CFTR: variants seen among roughly 807,000 people sequenced by gnomAD.
CFTR encodes CF transmembrane conductance regulator, also known as cystic fibrosis transmembrane conductance regulator.
A neutral mutation model predicts 171.6 loss-of-function variants in CFTR; 181 were observed. The observed-to-expected ratio is 1.05, with a 90% CI of 0.93 to 1.19. The LOEUF is 1.19. CFTR is among the 50% of genes most tolerant of loss of function. CFTR has a pLI of 0.00. For missense variants in CFTR, 1,968 were observed against 1,734.7 expected (o/e 1.13, Z -2.39); for synonymous variants, 583 against 608.0 (o/e 0.96, Z 0.60).
intron 9 of CFTR, among the ~76,000 whole-genome samples, chr7:117,548,235 A>C (rs1218950498): frequency 6.6e-6 from 1 of 152,146 alleles, no homozygotes. Flanking sequence ...GCTGAGTCAC[A>C]GTCTACAGCT....
chr7:117,649,277 GATGTGT>G (rs1562925097), intron 23 of CFTR, among the ~76,000 whole-genome samples: 3 of 146,114 alleles, frequency 2.1e-5, no homozygotes, highest in Admixed American at 6.9e-5. Context: ...TTATACATGG[GATGTGT>G]GTGTGTGTGT....
intron 2 of CFTR, among the ~76,000 whole-genome samples, chr7:117,506,790 G>C (rs35173620): frequency 6.6e-6 from 1 of 151,920 alleles, no homozygotes; most frequent in South Asian, 2.1e-4. Flanking sequence ...AAACCCATAC[G>C]TTCTATTATT....
chr7:117,575,802 C>T (rs557282769), intron 11 of CFTR, among the ~76,000 whole-genome samples: 2 of 152,158 alleles, frequency 1.3e-5, no homozygotes, highest in South Asian at 4.1e-4. Context: ...CTAATAAATC[C>T]ATGCACATTT....
At chr7:117,616,965 A>G (rs1407046659) in intron 21 of CFTR, among the ~76,000 whole-genome samples, 1 of 152,134 alleles carries the variant, frequency 6.6e-6, no homozygotes, top group African/African-American at 2.4e-5. Context: ...TCACCTCAGC[A>G]TATGTTGAGA....
intron 15 of CFTR, among the ~76,000 whole-genome samples, chr7:117,599,292 G>T (rs537539324): frequency 9.9e-5 from 15 of 152,096 alleles, no homozygotes; most frequent in Non-Finnish European, 2.9e-5. Flanking sequence ...TCTGAATGTG[G>T]TAGTGATTTC....
rs1798959602 is a variant in CFTR at position 117,536,557 on chromosome 7, A to G, written c.753A>G (p.Arg251=). The G allele has an allele frequency of 6.3e-7, 1 of 1,590,488 alleles. No homozygotes were observed. Among genetic ancestry groups the G allele is most frequent in the East Asian group, 2.2e-5 (1 of 44,526 alleles). Residue 251 remains arginine, a synonymous_variant, in exon 7 of 27, where the codon AGA becomes AGG. Coordinates refer to ENST00000003084, the MANE Select transcript of CFTR (RefSeq NM_000492.4). ...ATTGATTGATTTACAGAGATCAGAG[A>G]GCTGGGAAGATCAGTGAAAGACTTG... ...GRMMMKYRDQ[R]AGKISERLVI... is the part of the protein sequence containing the mutation.
At chr7:117,533,449 C>T (rs1584786090) in intron 4 of CFTR, among the ~76,000 whole-genome samples, 1 of 152,182 alleles carries the variant, frequency 6.6e-6, no homozygotes, top group East Asian at 1.9e-4. Context: ...TATTTATATA[C>T]TAGGTCGCCT....
In CFTR at chr7:117,627,656, T is replaced by C. The variant is rs1399548884; in HGVS notation, c.3603T>C (p.Asp1201=). Reference sequence around the variant, plus strand: ...TTGAGAATTCACACGTGAAGAAAGATGACATCTGGCCCTCAGGGGGCCAAA... The same window carrying C: ...TTGAGAATTCACACGTGAAGAAAGACGACATCTGGCCCTCAGGGGGCCAAA... The part of the protein sequence containing the change: ...MIIENSHVKK[D]DIWPSGGQMT... Residue 1201 remains aspartate (D), a synonymous_variant, in exon 22 of 27, where the codon GAT becomes GAC. Coordinates refer to ENST00000003084, the MANE Select transcript of CFTR (RefSeq NM_000492.4). 1.9e-6 allele frequency: 3 copies of C among 1,613,390 alleles called. No homozygotes were observed. The highest frequency in any genetic ancestry group is 4.5e-5 in the East Asian group (2 of 44,836).
At chr7:117,595,442 T>C (rs1308371815) in intron 15 of CFTR, among the ~76,000 whole-genome samples, 1 of 150,600 alleles carries the variant, frequency 6.6e-6, no homozygotes, top group East Asian at 1.9e-4. Context: ...TTATTTGGAT[T>C]GAAATTAAAC....
Position 117,611,758 on chromosome 7 carries a change from T to G in CFTR, c.3317T>G (p.Ile1106Ser). Reference protein sequence around the residue: ...LRWFQMRIEMIFVIFFIAVTF... With the variant: ...LRWFQMRIEMSFVIFFIAVTF... Reference sequence around the variant, plus strand: ...TGGTTCCAAATGAGAATAGAAATGATTTTTGTCATCTTCTTCATTGCTGTT... The same window carrying G: ...TGGTTCCAAATGAGAATAGAAATGAGTTTTGTCATCTTCTTCATTGCTGTT... The change falls in exon 20 of 27, where the codon ATT becomes AGT. Residue 1106 changes from isoleucine to serine, a missense_variant. Ile to Ser is a moderately radical substitution (Grantham distance 142). Coordinates refer to ENST00000003084, the MANE Select transcript of CFTR (RefSeq NM_000492.4). The G allele has an allele frequency of 6.2e-7, 1 of 1,612,668 alleles. No individual in the cohort carries two copies. The highest frequency in any genetic ancestry group is 2.2e-5 in the East Asian group (1 of 44,848).
chr7:117,638,338 A>ATT (rs772902790), intron 22 of CFTR, among the ~76,000 whole-genome samples: 1 of 151,814 alleles, frequency 6.6e-6, no homozygotes, highest in Non-Finnish European at 1.5e-5. Context: ...CTGTTTTTTT[A>ATT]TTTTTTTTAT....
intron 3 of CFTR, among the ~76,000 whole-genome samples, chr7:117,519,067 T>A (rs1474869342): frequency 6.6e-6 from 1 of 152,096 alleles, no homozygotes; most frequent in Non-Finnish European, 1.5e-5. Flanking sequence ...TAATAATTAA[T>A]AAAATCAGTA....
chr7:117,613,387 C>A lies in CFTR; in HGVS notation c.3368-1226C>A, dbSNP rs562158842. On this transcript the variant is annotated intron_variant, in intron 20 of 26. Coordinates refer to ENST00000003084, the MANE Select transcript of CFTR (RefSeq NM_000492.4). ...ATGTTGGCCACCCAGCTATTATTATCCCTGGCTCAATTGGTCTTCAGCTGT... is the reference window on the plus strand; with the variant it reads ...ATGTTGGCCACCCAGCTATTATTATACCTGGCTCAATTGGTCTTCAGCTGT... 9.2e-5 allele frequency among the ~76,000 whole-genome samples: 14 copies of A among 152,204 alleles called. No homozygotes were observed. The South Asian group carries it at 2.9e-3, about 32-fold the overall frequency.
At chr7:117,549,529 GCT>G (rs1418958718) in intron 10 of CFTR, among the ~76,000 whole-genome samples, 3 of 151,738 alleles carry the variant, frequency 2.0e-5, no homozygotes, top group Non-Finnish European at 4.4e-5. Context: ...GTAAAAACTT[GCT>G]CTCTTTTAAC....
At chr7:117,574,472 C>T (rs1791743722) in intron 11 of CFTR, among the ~76,000 whole-genome samples, 1 of 151,874 alleles carries the variant, frequency 6.6e-6, no homozygotes, top group Admixed American at 6.6e-5. Flanking sequence ...TGTTTCAGTC[C>T]AGAAAAGGAG....
At chr7:117,584,917 GTTTT>G (rs59048119) in intron 11 of CFTR, among the ~76,000 whole-genome samples, 64,239 of 146,678 alleles carry the variant, frequency 0.44, 15,587 homozygotes, top group African/African-American at 0.66. Flanking sequence ...ATGTATTTTA[GTTTT>G]TTTTTTTTGT....
At chr7:117,511,374 T>C (rs1434444015) in intron 3 of CFTR, among the ~76,000 whole-genome samples, 1 of 152,210 alleles carries the variant, frequency 6.6e-6, no homozygotes, top group Non-Finnish European at 1.5e-5. Context: ...TAAATTGTTC[T>C]TAAACTTCTC....
intron 1 of CFTR, among the ~76,000 whole-genome samples, chr7:117,480,644 T>G (rs1797987850): frequency 6.6e-6 from 1 of 152,172 alleles, no homozygotes; most frequent in Non-Finnish European, 1.5e-5. Flanking sequence ...TTTATTGTTA[T>G]GAGACTGGAT....
chr7:117,619,405 C>T (rs1303014874), intron 21 of CFTR, among the ~76,000 whole-genome samples: 1 of 152,210 alleles, frequency 6.6e-6, no homozygotes, highest in Non-Finnish European at 1.5e-5. Flanking sequence ...ATTACTCACA[C>T]TCATAATCAC....
Sources: gnomAD v4.1 joint callset for allele counts (sites outside exome capture counted in the v4.1 genomes callset) on GRCh38, gnomAD v4.1.1 for gene constraint, MANE v1.5 for transcripts, NCBI Gene and HGNC (gene_info 2026-07-23, HGNC 2026-07-21) for gene names.